DACH2: variants seen among roughly 807,000 people sequenced by gnomAD.
DACH2 encodes dachshund homolog 2.
In DACH2, 17 loss-of-function variants were observed where a neutral mutation model predicts 35.8. That is an observed-to-expected ratio of 0.48 (90% CI 0.33 to 0.71). The LOEUF (loss-of-function observed/expected upper bound fraction) is 0.71. Among genes scored for constraint, DACH2 ranks in the 30% least tolerant of loss-of-function variants. DACH2 has a pLI of 0.02. For synonymous variants in DACH2, 195 were observed against 177.3 expected, an observed-to-expected ratio of 1.10 and a Z score of -0.79; for missense variants, 469 against 472.7, an observed-to-expected ratio of 0.99 and a Z score of 0.07.
At chrX:86,383,766 T>C (rs1006579604) in intron 2 of DACH2, among the ~76,000 whole-genome samples, 3 of 108,373 alleles carry the variant, frequency 2.8e-5, no homozygotes, top group African/African-American at 6.7e-5. Context: ...GTGACTAAGA[T>C]AATGTTGTTT....
intron 3 of DACH2, among the ~76,000 whole-genome samples, chrX:86,551,368 T>C (rs561245207): frequency 4.5e-5 from 5 of 112,062 alleles, no homozygotes; most frequent in African/African-American, 1.6e-4. Context: ...TCATACAGAA[T>C]ACTGCTGACT....
rs1259084658 is a variant in DACH2, at chrX:86,556,789, TATATATAGAG to T, written c.640+42400_640+42409del. On this transcript the variant is annotated intron_variant, in intron 3 of 11. Transcript: ENST00000373125. The stretch of plus-strand genomic sequence containing the variant: ...ATATATATATATATATATATATATA[TATATATAGAG>T]AGAGAGAGAGAGAGAGAGAGAGAGA... 1.0e-2 allele frequency among the ~76,000 whole-genome samples: 369 copies of T among 37,012 alleles called. 1 individual carries two copies. The highest frequency in any genetic ancestry group is 0.012 in the Non-Finnish European group (268 of 21,843). The allele number at this position is 37,012 out of a possible 115,157, so 32.1% of individuals were successfully genotyped here. A position where few individuals can be genotyped will look rare whatever the true frequency, so the allele number is the denominator to read the frequency against.
chrX:86,638,182 A>G (rs760777980), intron 3 of DACH2, among the ~76,000 whole-genome samples: 17 of 111,989 alleles, frequency 1.5e-4, no homozygotes, highest in African/African-American at 2.0e-4. Context: ...ACCCTCTTCA[A>G]TGGTGCTGGG....
At chrX:86,461,674 C>A (rs955485475) in intron 2 of DACH2, among the ~76,000 whole-genome samples, 2 of 111,022 alleles carry the variant, frequency 1.8e-5, no homozygotes, top group African/African-American at 6.5e-5. Flanking sequence ...ATTGATATGA[C>A]CCATGTAAAA....
At chrX:86,623,688 GAGTT>G (rs1250077220) in intron 3 of DACH2, among the ~76,000 whole-genome samples, 1 of 111,726 alleles carries the variant, frequency 9.0e-6, no homozygotes, top group Non-Finnish European at 1.9e-5. Flanking sequence ...GAAAGGCAAA[GAGTT>G]AGAGGCAGAG....
intron 5 of DACH2, among the ~76,000 whole-genome samples, chrX:86,706,206 C>A (rs892695704): frequency 9.0e-6 from 1 of 111,125 alleles, no homozygotes; most frequent in Non-Finnish European, 1.9e-5. Flanking sequence ...TACAATTCAT[C>A]CATGTAACCA....
At chrX:86,331,541 T>C (rs1365788652) in intron 1 of DACH2, among the ~76,000 whole-genome samples, 1 of 111,466 alleles carries the variant, frequency 9.0e-6, no homozygotes, top group Non-Finnish European at 1.9e-5. Flanking sequence ...CTGGTGCCTG[T>C]CCTCCAGGCT....
chrX:86,560,748 T>A (rs2039207202), intron 3 of DACH2, among the ~76,000 whole-genome samples: 1 of 66,198 alleles, frequency 1.5e-5, no homozygotes, highest in Non-Finnish European at 2.8e-5. Flanking sequence ...AAAAATCAAT[T>A]CAAGATGGAT....
chrX:86,254,293 A>G (rs1276575295), intron 1 of DACH2, among the ~76,000 whole-genome samples: 4 of 111,640 alleles, frequency 3.6e-5, no homozygotes, highest in Non-Finnish European at 7.5e-5. Flanking sequence ...TGCCTACTTC[A>G]TAGTAAGGCA....
At chrX:86,280,587 A>T (rs1460442923) in intron 1 of DACH2, among the ~76,000 whole-genome samples, 1 of 112,238 alleles carries the variant, frequency 8.9e-6, no homozygotes, top group Admixed American at 9.4e-5. Context: ...ACAGGATCAA[A>T]TTCACACATT....
At chrX:86,494,684 T>A (rs1430920194) in intron 2 of DACH2, among the ~76,000 whole-genome samples, 1 of 112,666 alleles carries the variant, frequency 8.9e-6, no homozygotes, top group African/African-American at 3.2e-5. Context: ...TTCTTTTCCA[T>A]CTCTGAGTCA....
At chrX:86,333,988 T>C (rs1212065534) in intron 1 of DACH2, among the ~76,000 whole-genome samples, 1 of 105,845 alleles carries the variant, frequency 9.4e-6, no homozygotes, top group Non-Finnish European at 2.0e-5. Context: ...CTCCCATTTA[T>C]GAGTGAGAAC....
At chrX:86,783,175 T>A (rs1353406467) in intron 7 of DACH2, among the ~76,000 whole-genome samples, 4 of 112,024 alleles carry the variant, frequency 3.6e-5, no homozygotes, top group Non-Finnish European at 7.5e-5. Context: ...GTTCTCAACA[T>A]CATTGATCAT....
intron 1 of DACH2, among the ~76,000 whole-genome samples, chrX:86,370,693 A>G (rs775626743): frequency 5.4e-5 from 6 of 111,810 alleles, no homozygotes; most frequent in Non-Finnish European, 9.4e-5. Flanking sequence ...AAATTTATGA[A>G]GGTTTTGAGG....
intron 4 of DACH2, among the ~76,000 whole-genome samples, chrX:86,655,125 A>G (rs1321668903): frequency 9.0e-6 from 1 of 111,072 alleles, no homozygotes; most frequent in Non-Finnish European, 1.9e-5. Flanking sequence ...CATTTCAACA[A>G]GGGAGATCAG....
At chrX:86,238,361 G>T (rs2033098344) in intron 1 of DACH2, among the ~76,000 whole-genome samples, 1 of 111,626 alleles carries the variant, frequency 9.0e-6, no homozygotes. Flanking sequence ...ATATAGCTTT[G>T]TCTTTATTGG....
chrX:86,372,941 C>T (rs1366648868), intron 1 of DACH2, among the ~76,000 whole-genome samples: 3 of 111,330 alleles, frequency 2.7e-5, no homozygotes, highest in East Asian at 2.9e-4. Context: ...TTTTCCATCC[C>T]TGTGTTAATT....
intron 4 of DACH2, among the ~76,000 whole-genome samples, chrX:86,687,809 G>A (rs895272335): frequency 1.8e-5 from 2 of 109,052 alleles, no homozygotes; most frequent in Admixed American, 2.0e-4. Context: ...ACCAAACACC[G>A]CATGTTCTCA....
At chrX:86,284,182 T>A in intron 1 of DACH2, among the ~76,000 whole-genome samples, 1 of 111,822 alleles carries the variant, frequency 8.9e-6, no homozygotes, top group East Asian at 2.8e-4. Context: ...GTTCCAGATC[T>A]TAAAGGAAAG....
Sources: allele counts gnomAD v4.1 joint callset (sites outside exome capture counted in the v4.1 genomes callset), GRCh38; gene constraint gnomAD v4.1.1; transcripts MANE v1.5; gene names NCBI Gene and HGNC (gene_info 2026-07-23, HGNC 2026-07-21).